Variants in PPARGC1B observed in about 807,000 individuals in gnomAD.
PPARGC1B encodes PPARG coactivator 1 beta.
Under a neutral mutation model 101.6 loss-of-function variants are expected in PPARGC1B, and 34 were observed. The observed-to-expected ratio is 0.33, with a 90% CI of 0.25 to 0.45. The LOEUF is 0.45. Ranked by LOEUF, PPARGC1B falls within the 20% of genes least tolerant of loss-of-function variation. The pLI is 1.00. For synonymous variants in PPARGC1B, 548 were observed against 539.3 expected (o/e 1.02, Z -0.22); for missense variants, 1,234 against 1,317.6 (o/e 0.94, Z 0.98).
intron 1 of PPARGC1B, among the ~76,000 whole-genome samples, chr5:149,780,979 G>A (rs1399183127): frequency 6.6e-6 from 1 of 152,210 alleles, no homozygotes; most frequent in Non-Finnish European, 1.5e-5. Flanking sequence ...CAAGGCGGGG[G>A]AATCGCCTGA....
chr5:149,848,706 G>C lies in PPARGC1B; in HGVS notation c.*1148G>C, dbSNP rs1704865830. 6.6e-6 allele frequency: 1 copy of C among 152,264 alleles called. No individual in the cohort carries two copies. The highest frequency in any genetic ancestry group is 2.1e-4 in the South Asian group (1 of 4,828). 9.4% of individuals were successfully genotyped at this position (152,264 alleles called of 1,614,324 possible). A position where few individuals can be genotyped will look rare whatever the true frequency, so the allele number is the denominator to read the frequency against. On this transcript the variant is annotated 3_prime_UTR_variant, in exon 12 of 12. Coordinates refer to ENST00000309241, the MANE Select transcript of PPARGC1B (RefSeq NM_133263.4). Reference sequence around the variant, plus strand: ...CTGTGGACACACTGTCAGAACTTCAGTGACACCCCTGGCAGCGGTACAGAC... The same window carrying C: ...CTGTGGACACACTGTCAGAACTTCACTGACACCCCTGGCAGCGGTACAGAC...
In PPARGC1B at chr5:149,732,723, CG is replaced by C. The variant is rs369015774; in HGVS notation, c.78+2306del. ...GAGCCCAGCCGGAAGAGGACCTGGG[CG>C]GGCCCAGTGTGCTCCTCCTTATTTT... On this transcript the variant is annotated intron_variant, in intron 1 of 11. Transcript: ENST00000309241. 1.3e-3 allele frequency: 582 copies of C among 456,064 alleles called. 1 individual carries two copies. The highest frequency in any genetic ancestry group is 0.01 in the African/African-American group (500 of 48,926). The allele number at this position is 456,064 out of a possible 1,614,324, so 28.3% of individuals were successfully genotyped here.
intron 1 of PPARGC1B, among the ~76,000 whole-genome samples, chr5:149,810,392 C>G (rs1757807617): frequency 6.6e-6 from 1 of 152,236 alleles, no homozygotes; most frequent in South Asian, 2.1e-4. Flanking sequence ...AGGATCCATG[C>G]TGCCGAAGGT....
At chr5:149,805,930 A>G (rs1343408922) in intron 1 of PPARGC1B, among the ~76,000 whole-genome samples, 1 of 152,272 alleles carries the variant, frequency 6.6e-6, no homozygotes, top group East Asian at 1.9e-4. Context: ...TGGGAACCAC[A>G]GGACCAGATG....
intron 1 of PPARGC1B, among the ~76,000 whole-genome samples, chr5:149,775,562 G>C (rs1756327835): frequency 6.6e-6 from 1 of 152,160 alleles, no homozygotes; most frequent in Non-Finnish European, 1.5e-5. Context: ...GCTCCAAGAG[G>C]CCTCAGAATC....
rs1181252882 is a variant in PPARGC1B, at chr5:149,826,827, C to G, written c.407C>G (p.Pro136Arg). 1.2e-6 allele frequency: 2 copies of G among 1,613,856 alleles called. No homozygotes were observed. Among genetic ancestry groups the G allele is most frequent in the African/African-American group, 1.3e-5 (1 of 74,942 alleles). ...TCGCCTGCCCCCTCATCTGCACCCC[C>G]CAGCCCTGCCCCGGAGAAGCCCTCG... Reference protein sequence around the residue: ...SASPAPSSAPPSPAPEKPSAP... With the variant: ...SASPAPSSAPRSPAPEKPSAP... The change falls in exon 3 of 12, where the codon CCC becomes CGC. Residue 136 changes from proline (P) to arginine (R), a missense_variant. Physicochemically the swap from Pro to Arg is moderately radical, Grantham distance 103. Coordinates refer to ENST00000309241, the MANE Select transcript of PPARGC1B (RefSeq NM_133263.4).
At chr5:149,792,738 T>TATTCATTC (rs373254833) in intron 1 of PPARGC1B, among the ~76,000 whole-genome samples, 2 of 151,986 alleles carry the variant, frequency 1.3e-5, no homozygotes, top group African/African-American at 2.4e-5. Context: ...TCCGTAGTTG[T>TATTCATTC]ATTCATTCAT....
chr5:149,785,288 C>G (rs553112709), intron 1 of PPARGC1B, among the ~76,000 whole-genome samples: 17 of 152,334 alleles, frequency 1.1e-4, no homozygotes, highest in Non-Finnish European at 1.9e-4. Flanking sequence ...AGCAGCATGG[C>G]CTTTGCAGCC....
At position 149,836,793 on chromosome 5, in the gene PPARGC1B, C is replaced by G. The variant is rs149078416; in HGVS notation, c.2338C>G (p.Leu780Val). 56 of 1,613,492 alleles carry G rather than the reference C, an allele frequency of 3.5e-5. No individual in the cohort carries two copies. Among genetic ancestry groups the G allele is most frequent in the African/African-American group, 5.3e-5 (4 of 74,950 alleles). Reference protein sequence around the residue: ...LLETALEEEDLASCKSPEYDT... With the variant: ...LLETALEEEDVASCKSPEYDT... ...GGAGACCGCCCTGGAGGAGGAAGAC[C>G]TGGCCTCCTGCAAGAGCCCTGAGTA... Residue 780 changes from leucine to valine, a missense_variant, in exon 8 of 12, where the codon CTG (leucine) becomes GTG (valine). Physicochemically the swap from Leu to Val is conservative, Grantham distance 32. Coordinates refer to ENST00000309241, the MANE Select transcript of PPARGC1B (RefSeq NM_133263.4).
intron 1 of PPARGC1B, among the ~76,000 whole-genome samples, chr5:149,809,745 C>A (rs1757776944): frequency 7.0e-6 from 1 of 142,358 alleles, no homozygotes; most frequent in Non-Finnish European, 1.5e-5. Context: ...TATATTTTAC[C>A]ACAATTTAAA....
intron 1 of PPARGC1B, among the ~76,000 whole-genome samples, chr5:149,773,748 A>T (rs763942283): frequency 1.5e-4 from 23 of 152,122 alleles, no homozygotes; most frequent in Non-Finnish European, 2.9e-4. Context: ...CTGGAAATGG[A>T]TGTGTGAGGT....
chr5:149,816,395 G>T (rs1758055976), intron 1 of PPARGC1B, among the ~76,000 whole-genome samples: 2 of 152,324 alleles, frequency 1.3e-5, no homozygotes, highest in South Asian at 4.1e-4. Flanking sequence ...TCCTCTTTGG[G>T]TCTCAGTTTC....
chr5:149,848,936 T>G lies in PPARGC1B; in HGVS notation c.*1378T>G, dbSNP rs568122762. 1.2e-4 allele frequency: 19 copies of G among 152,370 alleles called. No homozygotes were observed. Among genetic ancestry groups the G allele is most frequent in the African/African-American group, 4.6e-4 (19 of 41,582 alleles). The allele number at this position is 152,370 out of a possible 1,614,324, so 9.4% of individuals were successfully genotyped here. A position where few individuals can be genotyped will look rare whatever the true frequency, so the allele number is the denominator to read the frequency against. On this transcript the variant is annotated 3_prime_UTR_variant, in exon 12 of 12. Coordinates refer to ENST00000309241, the MANE Select transcript of PPARGC1B (RefSeq NM_133263.4). ...AATTGAGAAAACACTCCAATTGGGCTTTGCTTTAAACTTTGTGTTCTTAAG... is the reference window on the plus strand; with the variant it reads ...AATTGAGAAAACACTCCAATTGGGCGTTGCTTTAAACTTTGTGTTCTTAAG...
At chr5:149,806,132 AG>A (rs1415307013) in intron 1 of PPARGC1B, among the ~76,000 whole-genome samples, 10 of 152,216 alleles carry the variant, frequency 6.6e-5, no homozygotes, top group Non-Finnish European at 1.2e-4. Context: ...CCTACTGGGA[AG>A]GGGGAATCGC....
chr5:149,825,002 T>A (rs1020928033), intron 2 of PPARGC1B, among the ~76,000 whole-genome samples: 2 of 152,236 alleles, frequency 1.3e-5, no homozygotes, highest in African/African-American at 4.8e-5. Context: ...CAGATGAACT[T>A]CCTGCAGAAA....
intron 2 of PPARGC1B, among the ~76,000 whole-genome samples, chr5:149,821,846 C>T (rs964713011): frequency 1.3e-5 from 2 of 152,192 alleles, no homozygotes; most frequent in South Asian, 2.1e-4. Flanking sequence ...CGGGAAAGGC[C>T]TCTCTGAGGA....
At position 149,835,219 on chromosome 5, in the gene PPARGC1B, C is replaced by T. The variant is rs1758996142; in HGVS notation, c.1743-82C>T. The T allele has an allele frequency of 2.2e-5, 28 of 1,300,146 alleles. No individual in the cohort carries two copies. In the South Asian group the frequency reaches 3.0e-4, roughly 14 times the overall value. 80.5% of individuals were successfully genotyped at this position (1,300,146 alleles called of 1,614,324 possible). A position where few individuals can be genotyped will look rare whatever the true frequency, so the allele number is the denominator to read the frequency against. On this transcript the variant is annotated intron_variant, in intron 6 of 11. Coordinates refer to ENST00000309241, the MANE Select transcript of PPARGC1B (RefSeq NM_133263.4). ...GGAACCAGGGCCTGTCACAGCACTC[C>T]CTGCGACCCTTTCATGGGCGGGGAG...
intron 1 of PPARGC1B, among the ~76,000 whole-genome samples, chr5:149,804,192 G>A (rs555359415): frequency 6.6e-6 from 1 of 152,350 alleles, no homozygotes; most frequent in Admixed American, 6.5e-5. Context: ...TGCCAAAACT[G>A]TCCTGGGAAA....
intron 1 of PPARGC1B, among the ~76,000 whole-genome samples, chr5:149,782,555 A>T (rs1581047512): frequency 6.6e-6 from 1 of 152,134 alleles, no homozygotes; most frequent in African/African-American, 2.4e-5. Context: ...AGAATGGAGT[A>T]TTTTCCCTGA....
Sources: gnomAD v4.1 joint callset for allele counts (sites outside exome capture counted in the v4.1 genomes callset) on GRCh38, gnomAD v4.1.1 for gene constraint, MANE v1.5 for transcripts, NCBI Gene and HGNC (gene_info 2026-07-23, HGNC 2026-07-21) for gene names.